Variants in ZNF224 observed in about 807,000 individuals in gnomAD.
ZNF224 encodes bone marrow zinc finger 2.
Under a neutral mutation model 10.5 loss-of-function variants are expected in ZNF224, and 8 were observed. The observed-to-expected ratio is 0.76, with a 90% CI of 0.45 to 1.37. ZNF224 has a LOEUF of 1.37. Ranked by LOEUF, ZNF224 falls within the 40% of genes most tolerant of loss-of-function variation. The pLI, the probability that ZNF224 is intolerant of heterozygous loss-of-function variation, is 0.00. For synonymous variants in ZNF224, 282 were observed against 287.8 expected (o/e 0.98, Z 0.20); for missense variants, 754 against 854.0 (o/e 0.88, Z 1.46).
chr19:44,106,507 A>C lies in ZNF224; in HGVS notation c.347A>C (p.Asp116Ala), dbSNP rs766340843. 6 of 1,614,046 alleles carry C rather than the reference A, an allele frequency of 3.7e-6. No homozygotes were observed. Among genetic ancestry groups the C allele is most frequent in the Non-Finnish European group, 5.1e-6 (6 of 1,180,010 alleles). Residue 116 changes from aspartate to alanine, a missense_variant, in exon 6 of 6, where the codon GAC becomes GCC. Asp to Ala is a moderately radical substitution (Grantham distance 126, BLOSUM62 -2). Transcript: ENST00000693561. ...KIASDLTRSQ[D>A]LMINSSQFSK... ...GCAAGTGATTTAACCAGGTCTCAAGACTTGATGATAAATAGCTCTCAGTTC... is the reference window on the plus strand; with the variant it reads ...GCAAGTGATTTAACCAGGTCTCAAGCCTTGATGATAAATAGCTCTCAGTTC...
At position 44,107,687 on chromosome 19, in the gene ZNF224, A is replaced by G. The variant is rs1165003478; in HGVS notation, c.1527A>G (p.Glu509=). 6.2e-7 allele frequency: 1 copy of G among 1,613,972 alleles called. No individual in the cohort carries two copies. The highest frequency in any genetic ancestry group is 2.2e-5 in the East Asian group (1 of 44,882). Residue 509 remains glutamate (E), a synonymous_variant, in exon 6 of 6, where the codon GAA becomes GAG. Coordinates refer to ENST00000693561, the MANE Select transcript of ZNF224 (RefSeq NM_001321645.3). ...CCCATCAGAGAGTTCACACTGGAGA[A>G]AAGCCATACAAATGTGAGAAGTGTG... ...LHSHQRVHTG[E]KPYKCEKCGK...
In ZNF224 at chr19:44,101,177, G is replaced by A; in HGVS notation, c.187G>A (p.Glu63Lys). ...GGATACTTTCCACTTCCTAAGGGAA[G>A]AAAAGATTTGGATGATGAAGACAGC... ...HRDTFHFLRE[E>K]KIWMMKTAIQ... Residue 63 changes from glutamate to lysine, a missense_variant, in exon 5 of 6, where the codon GAA becomes AAA. Physicochemically the swap from Glu to Lys is moderately conservative, Grantham distance 56. Transcript: ENST00000693561. The A allele has an allele frequency of 6.2e-7, 1 of 1,614,178 alleles. No homozygotes were observed. Among genetic ancestry groups the A allele is most frequent in the African/African-American group, 1.3e-5 (1 of 75,060 alleles).
intron 3 of ZNF224, among the ~76,000 whole-genome samples, chr19:44,098,259 T>C (rs559798807): frequency 6.6e-6 from 1 of 152,382 alleles, no homozygotes; most frequent in East Asian, 1.9e-4. Flanking sequence ...TATTATATAA[T>C]GTTCATTTTT....
rs764143151 is a variant in ZNF224 at position 44,108,034 on chromosome 19, A to C, written c.1874A>C (p.Lys625Thr). ...CGCCACAGCAGAGAAACACCTCTCA[A>C]ATGTGAGCAGCATGGGAAGAACATT... Reference protein sequence around the residue: ...QRRHSRETPLKCEQHGKNIVQ... With the variant: ...QRRHSRETPLTCEQHGKNIVQ... The change falls in exon 6 of 6, where the codon AAA becomes ACA. Residue 625 changes from lysine (K) to threonine (T), a missense_variant. Coordinates refer to ENST00000693561, the MANE Select transcript of ZNF224 (RefSeq NM_001321645.3). The C allele has an allele frequency of 1.9e-6, 3 of 1,614,202 alleles. No homozygotes were observed. Among genetic ancestry groups the C allele is most frequent in the East Asian group, 2.2e-5 (1 of 44,868 alleles).
At position 44,106,712 on chromosome 19, in the gene ZNF224, C is replaced by G. The variant is rs781419928; in HGVS notation, c.552C>G (p.Asn184Lys). The G allele has an allele frequency of 4.4e-6, 7 of 1,606,118 alleles. No homozygotes were observed. The highest frequency in any genetic ancestry group is 6.0e-6 in the Non-Finnish European group (7 of 1,175,744). The change falls in exon 6 of 6, where the codon AAC becomes AAG. Residue 184 changes from asparagine (N) to lysine (K), a missense_variant. Physicochemically the swap from Asn to Lys is moderately conservative, Grantham distance 94. Transcript: ENST00000693561. ...KSHTCDECGK[N>K]FCYISALRIH... ...ATACGTGTGATGAGTGTGGAAAGAACTTTTGTTACATCTCAGCCCTTCGTA... is the reference window on the plus strand; with the variant it reads ...ATACGTGTGATGAGTGTGGAAAGAAGTTTTGTTACATCTCAGCCCTTCGTA...
chr19:44,096,707 A>G (rs1967441778), intron 2 of ZNF224, among the ~76,000 whole-genome samples: 1 of 152,206 alleles, frequency 6.6e-6, no homozygotes, highest in South Asian at 2.1e-4. Context: ...CTGTGTTCAC[A>G]GTCTAATTTT....
At chr19:44,099,917 T>C (rs895821229) in intron 3 of ZNF224, among the ~76,000 whole-genome samples, 3 of 152,196 alleles carry the variant, frequency 2.0e-5, no homozygotes, top group African/African-American at 7.2e-5. Flanking sequence ...GAGTAAGATC[T>C]ACCTGAAATG....
chr19:44,106,969 T>G lies in ZNF224; in HGVS notation c.809T>G (p.Ile270Ser), dbSNP rs747621287. The G allele has an allele frequency of 9.3e-6, 15 of 1,610,738 alleles. No homozygotes were observed. Among genetic ancestry groups the G allele is most frequent in the African/African-American group, 8.0e-5 (6 of 74,864 alleles). Residue 270 changes from isoleucine to serine, a missense_variant, in exon 6 of 6, where the codon ATT becomes AGT. By Grantham distance (142) the Ile-to-Ser change is moderately radical (BLOSUM62 -2). Transcript: ENST00000693561. ...TGTGAGGAATGCGGGAAGGCCTTCA[T>G]TCACGATTCCCAGCTTCAAGAACAT... ...YNCEECGKAF[I>S]HDSQLQEHQR...
intron 5 of ZNF224, among the ~76,000 whole-genome samples, chr19:44,102,883 A>G (rs1401299232): frequency 6.6e-6 from 1 of 152,094 alleles, no homozygotes; most frequent in Non-Finnish European, 1.5e-5. Context: ...CCTTTGAGAG[A>G]TTTACCCATC....
chr19:44,106,978 C>T lies in ZNF224; in HGVS notation c.818C>T (p.Ser273Phe). The change falls in exon 6 of 6, where the codon TCC (serine) becomes TTC (phenylalanine). Residue 273 changes from serine to phenylalanine, a missense_variant. By Grantham distance (155) the Ser-to-Phe change is radical. Coordinates refer to ENST00000693561, the MANE Select transcript of ZNF224 (RefSeq NM_001321645.3). ...EECGKAFIHDSQLQEHQRIHT... is the reference protein window; with the variant it reads ...EECGKAFIHDFQLQEHQRIHT... ...TGCGGGAAGGCCTTCATTCACGATTCCCAGCTTCAAGAACATCAGAGAATC... is the reference window on the plus strand; with the variant it reads ...TGCGGGAAGGCCTTCATTCACGATTTCCAGCTTCAAGAACATCAGAGAATC... The T allele has an allele frequency of 6.2e-7, 1 of 1,610,594 alleles. No homozygotes were observed. The highest frequency in any genetic ancestry group is 8.5e-7 in the Non-Finnish European group (1 of 1,177,982).
chr19:44,100,775 G>T lies in ZNF224; in HGVS notation c.16-26G>T, dbSNP rs761059145. 3.1e-6 allele frequency: 5 copies of T among 1,609,156 alleles called. No homozygotes were observed. The South Asian group carries it at 5.5e-5, about 18-fold the overall frequency. ...CCCAGGAATCATTGGTCATGAGACT[G>T]AGATTGCATATGTTTGATGCTATAG... On this transcript the variant is annotated intron_variant, in intron 3 of 5. Transcript: ENST00000693561.
At chr19:44,103,826 G>A (rs1967594612) in intron 5 of ZNF224, among the ~76,000 whole-genome samples, 1 of 152,054 alleles carries the variant, frequency 6.6e-6, no homozygotes, top group African/African-American at 2.4e-5. Flanking sequence ...ACGTAGCTGG[G>A]ATTATAGGTG....
chr19:44,099,078 AAG>A (rs1967497019), intron 3 of ZNF224, among the ~76,000 whole-genome samples: 1 of 152,156 alleles, frequency 6.6e-6, no homozygotes, highest in African/African-American at 2.4e-5. Context: ...ACTCAGTTGA[AAG>A]AGAGAGAAAA....
At chr19:44,095,281 T>C (rs1201039557) in intron 1 of ZNF224, 1 of 164,596 alleles carries the variant, frequency 6.1e-6, no homozygotes, top group Non-Finnish European at 1.4e-5. Flanking sequence ...CTAAGGGCTT[T>C]ATACAAATAA....
intron 5 of ZNF224, among the ~76,000 whole-genome samples, chr19:44,103,662 A>G (rs1967591393): frequency 6.6e-6 from 1 of 151,852 alleles, no homozygotes; most frequent in South Asian, 2.1e-4. Context: ...GTATTTATCT[A>G]TATCATATAT....
chr19:44,107,103 C>G lies in ZNF224; in HGVS notation c.943C>G (p.Pro315Ala). ...TTCCATGGTTCACACGGCAGAGAAA[C>G]CATTCCGATGTGATACGTGTGATAA... ...RHSMVHTAEK[P>A]FRCDTCDKSF... Residue 315 changes from proline (P) to alanine (A), a missense_variant, in exon 6 of 6, where the codon CCA becomes GCA. Pro to Ala is a conservative substitution (Grantham distance 27). Transcript: ENST00000693561. 1.2e-6 allele frequency: 2 copies of G among 1,603,258 alleles called. No individual in the cohort carries two copies. Among genetic ancestry groups the G allele is most frequent in the South Asian group, 1.1e-5 (1 of 89,262 alleles).
Position 44,097,746 on chromosome 19 carries a change from G to C in ZNF224, c.-68-60G>C, listed in dbSNP as rs371989080. 10 of 948,510 alleles carry C rather than the reference G, an allele frequency of 1.1e-5. No homozygotes were observed. In the South Asian group the frequency reaches 1.4e-4, roughly 14 times the overall value. The allele number at this position is 948,510 out of a possible 1,614,324, so 58.8% of individuals were successfully genotyped here. ...ATTCACAATACACATCCCTGTTGGTGGGTGGCATCCCTGGCCACCTTTTCA... is the reference window on the plus strand; with the variant it reads ...ATTCACAATACACATCCCTGTTGGTCGGTGGCATCCCTGGCCACCTTTTCA... On this transcript the variant is annotated intron_variant, in intron 2 of 5. Transcript: ENST00000693561.
rs563557417 is a variant in ZNF224 at position 44,106,098 on chromosome 19, A to T, written c.236-298A>T. The T allele has an allele frequency of 4.6e-4, 157 of 339,702 alleles. 1 individual carries two copies. Among genetic ancestry groups the T allele is most frequent in the African/African-American group, 3.4e-3 (145 of 42,204 alleles). 21.0% of individuals were successfully genotyped at this position (339,702 alleles called of 1,614,324 possible). A position where few individuals can be genotyped will look rare whatever the true frequency, so the allele number is the denominator to read the frequency against. ...TTAGAGAATCTCCATACTGTATTTC[A>T]TAGAGGTTGTACTAATTTACATTCA... is the stretch of plus-strand genomic sequence containing the variant. On this transcript the variant is annotated intron_variant, in intron 5 of 5. Coordinates refer to ENST00000693561, the MANE Select transcript of ZNF224 (RefSeq NM_001321645.3).
In ZNF224 at chr19:44,108,827, A is replaced by C; in HGVS notation, c.*543A>C. The C allele has an allele frequency of 2.4e-6, 1 of 424,418 alleles. No homozygotes were observed. Among genetic ancestry groups the C allele is most frequent in the Non-Finnish European group, 5.0e-6 (1 of 200,070 alleles). 26.3% of individuals were successfully genotyped at this position (424,418 alleles called of 1,614,324 possible). Reference sequence around the variant, plus strand: ...TACAATTTTGTGTATCCAAAAAGGGAAGCCTGCAAAAAATAATTCTGGGAA... The same window carrying C: ...TACAATTTTGTGTATCCAAAAAGGGCAGCCTGCAAAAAATAATTCTGGGAA... On this transcript the variant is annotated 3_prime_UTR_variant, in exon 6 of 6. Transcript: ENST00000693561.
Sources: allele counts gnomAD v4.1 joint callset (sites outside exome capture counted in the v4.1 genomes callset), GRCh38; gene constraint gnomAD v4.1.1; transcripts MANE v1.5; gene names NCBI Gene and HGNC (gene_info 2026-07-23, HGNC 2026-07-21).